The following HMCN1 variants were observed in gnomAD, a reference collection of about 807,000 sequenced individuals.
HMCN1 encodes the protein hemicentin 1.
HMCN1 carries 321 observed loss-of-function variants against 625.9 expected under a neutral mutation model. The observed-to-expected ratio is 0.51, with a 90% CI of 0.47 to 0.56. HMCN1 has a LOEUF of 0.56. HMCN1 is among the 20% of genes least tolerant of loss of function. The pLI, the probability that HMCN1 is intolerant of heterozygous loss-of-function variation, is 0.00. For missense variants in HMCN1, 6,588 were observed against 6,887.3 expected (o/e 0.96, Z 1.54); for synonymous variants, 2,425 against 2,417.6 (o/e 1.00, Z -0.09).
At chr1:185,770,031 C>T (rs1656132113) in intron 1 of HMCN1, among the ~76,000 whole-genome samples, 1 of 152,078 alleles carries the variant, frequency 6.6e-6, no homozygotes, top group African/African-American at 2.4e-5. Context: ...TGATAGGAGG[C>T]AAAGTTACAT....
intron 58 of HMCN1, 108 bp from the exon 59 acceptor site, chr1:186,087,109 A>C: frequency 1.3e-6 from 1 of 755,284 alleles, no homozygotes; most frequent in Non-Finnish European, 2.4e-6. Context: ...CTTCTCTATA[A>C]ATTTTACTCT....
At chr1:185,945,453 C>G (rs543086236) in intron 11 of HMCN1, among the ~76,000 whole-genome samples, 5 of 152,022 alleles carry the variant, frequency 3.3e-5, no homozygotes, top group African/African-American at 7.2e-5. Flanking sequence ...GTGCTTCTTG[C>G]TGATGATATA....
In HMCN1 at chr1:185,989,638, A is replaced by G. The variant is rs1652271155; in HGVS notation, c.3199A>G (p.Thr1067Ala). The change falls in exon 21 of 107, where the codon ACA becomes GCA. Residue 1067 changes from threonine to alanine, a missense_variant. Thr to Ala is a moderately conservative substitution (Grantham distance 58). Coordinates refer to ENST00000271588, the MANE Select transcript of HMCN1 (RefSeq NM_031935.3). ...AGYAKRKVQLTVYVRPRVFGD... is the reference protein window; with the variant it reads ...AGYAKRKVQLAVYVRPRVFGD... ...CTACGCCAAAAGGAAAGTGCAGCTA[A>G]CAGTCTATGGTGAGAGCTGGTGGAG... 5 of 1,614,006 alleles carry G rather than the reference A, an allele frequency of 3.1e-6. No individual in the cohort carries two copies. The East Asian group carries it at 8.9e-5, about 29-fold the overall frequency.
At chr1:186,057,786 A>G (rs1655349043) in intron 46 of HMCN1, among the ~76,000 whole-genome samples, 1 of 152,042 alleles carries the variant, frequency 6.6e-6, no homozygotes, top group Non-Finnish European at 1.5e-5. Flanking sequence ...TTAATATTTC[A>G]ATGTATTCAT....
intron 48 of HMCN1, among the ~76,000 whole-genome samples, chr1:186,063,066 GCATATATATATATATA>G (rs1326061692): frequency 2.3e-4 from 7 of 29,942 alleles, no homozygotes; most frequent in African/African-American, 1.1e-3. Flanking sequence ...GTGTGTGTGT[GCATATATATATATATA>G]TATATATATA....
rs574755457 is a variant in HMCN1, at chr1:185,939,116, G to A, written c.1828+5292G>A. 1.8e-4 allele frequency among the ~76,000 whole-genome samples: 27 copies of A among 152,188 alleles called. No homozygotes were observed. In the South Asian group the frequency reaches 5.2e-3, roughly 29 times the overall value. ...AAAACAAAAAAATCAAAATTGGAGA[G>A]GCCATGGTATGAAGAACTGGTGAAC... On this transcript the variant is annotated intron_variant, in intron 11 of 106. Transcript: ENST00000271588.
At chr1:186,166,689 T>G (rs555938693) in intron 99 of HMCN1, 119 bp from the exon 100 acceptor site, 19 of 1,443,958 alleles carry the variant, frequency 1.3e-5, no homozygotes, top group Non-Finnish European at 1.8e-5. Context: ...ACTTTAGTCC[T>G]TCTTGTTCTT....
intron 13 of HMCN1, 152 bp from the exon 14 acceptor site, chr1:185,965,650 G>A: frequency 1.5e-6 from 1 of 687,340 alleles, no homozygotes; most frequent in Non-Finnish European, 2.7e-6. Context: ...ATACACCTAT[G>A]TGCATGTGCA....
intron 102 of HMCN1, 68 bp downstream of exon 102, chr1:186,172,199 T>G: frequency 6.3e-7 from 1 of 1,585,020 alleles, no homozygotes; most frequent in Non-Finnish European, 8.7e-7. Context: ...GGCATTCATT[T>G]TAAAAGAAGT....
At position 186,001,416 on chromosome 1, in the gene HMCN1, A is replaced by T. The variant is rs182426048; in HGVS notation, c.4188A>T (p.Lys1396Asn). 1.4e-5 allele frequency: 22 copies of T among 1,612,616 alleles called. No homozygotes were observed. The highest frequency in any genetic ancestry group is 6.7e-5 in the Admixed American group (4 of 59,936). ...CATCTCCCATCATTATGTGGTATAA[A>T]GATAATGTCCAGGTAAATAGAGTCA... ...GTPSPIIMWY[K>N]DNVQVTESST... The change falls in exon 27 of 107, where the codon AAA becomes AAT. Residue 1396 changes from lysine (K) to asparagine (N), a missense_variant. By Grantham distance (94) the Lys-to-Asn change is moderately conservative (BLOSUM62 0). This residue lies in a region of HMCN1 where 4,628 missense variants were observed against 4,853.1 expected (regional missense o/e 0.95). Transcript: ENST00000271588.
intron 52 of HMCN1, among the ~76,000 whole-genome samples, chr1:186,073,202 C>T (rs1423227015): frequency 6.6e-6 from 1 of 152,078 alleles, no homozygotes; most frequent in Non-Finnish European, 1.5e-5. Context: ...GAAAAAGGTA[C>T]TTCAAAATGA....
chr1:186,164,182 A>C (rs1230910904), intron 97 of HMCN1, among the ~76,000 whole-genome samples: 1 of 151,046 alleles, frequency 6.6e-6, no homozygotes, highest in Non-Finnish European at 1.5e-5. Context: ...TTCAGGAAAG[A>C]GGTTTCTTGA....
chr1:185,854,198 A>G (rs896579085), intron 2 of HMCN1, among the ~76,000 whole-genome samples: 22 of 152,214 alleles, frequency 1.4e-4, no homozygotes, highest in African/African-American at 5.3e-4. Flanking sequence ...ACTCATTTTC[A>G]GTGAAATGGA....
intron 11 of HMCN1, among the ~76,000 whole-genome samples, chr1:185,934,323 A>G (rs1004269104): frequency 9.2e-5 from 14 of 152,188 alleles, no homozygotes; most frequent in Non-Finnish European, 1.5e-5. Context: ...AAACATAAGC[A>G]GAGTGGTTTT....
chr1:185,953,544 C>T (rs1001480072), intron 11 of HMCN1, among the ~76,000 whole-genome samples: 27 of 151,756 alleles, frequency 1.8e-4, no homozygotes, highest in South Asian at 4.2e-4. Context: ...TGAAGTGTGG[C>T]GCCAAGATTG....
chr1:185,784,482 G>GA (rs1657412519), intron 1 of HMCN1, among the ~76,000 whole-genome samples: 1 of 152,010 alleles, frequency 6.6e-6, no homozygotes, highest in Non-Finnish European at 1.5e-5. Context: ...TTCCTGTTCG[G>GA]CCATCTTGGA....
Position 186,119,162 on chromosome 1 carries a change from T to G in HMCN1, c.11849-29T>G, listed in dbSNP as rs1661272212. 1.3e-6 allele frequency: 2 copies of G among 1,516,570 alleles called. 1 individual carries two copies. Among genetic ancestry groups the G allele is most frequent in the South Asian group, 2.2e-5 (2 of 89,044 alleles). 93.9% of individuals were successfully genotyped at this position (1,516,570 alleles called of 1,614,324 possible). On this transcript the variant is annotated intron_variant, in intron 77 of 106. Coordinates refer to ENST00000271588, the MANE Select transcript of HMCN1 (RefSeq NM_031935.3). ...GAACTAAAAAAACTGAGATGCAGTA[T>G]ATATTAAAACATTTTTTTTCATTTT...
chr1:185,931,588 G>A (rs1024850346), intron 10 of HMCN1, among the ~76,000 whole-genome samples: 2 of 152,142 alleles, frequency 1.3e-5, no homozygotes, highest in Non-Finnish European at 2.9e-5. Flanking sequence ...CTGGGGTGGA[G>A]TTTGCATGCA....
At chr1:186,113,419 A>G (rs1660980943) in intron 72 of HMCN1, among the ~76,000 whole-genome samples, 1 of 152,234 alleles carries the variant, frequency 6.6e-6, no homozygotes, top group South Asian at 2.1e-4. Flanking sequence ...AATCTATTGG[A>G]TATTTAATAT....
Sources: allele counts gnomAD v4.1 joint callset (sites outside exome capture counted in the v4.1 genomes callset), GRCh38; gene constraint gnomAD v4.1.1; regional missense constraint gnomAD v4.1.1; transcripts MANE v1.5; gene names NCBI Gene and HGNC (gene_info 2026-07-23, HGNC 2026-07-21).